The following EXOSC6 variants were observed in gnomAD, a reference collection of about 807,000 sequenced individuals.
EXOSC6 encodes exosome complex component MTR3.
Under a neutral mutation model 16.7 loss-of-function variants are expected in EXOSC6, and 21 were observed. The observed-to-expected ratio is 1.26, with a 90% confidence interval of 0.89 to 1.82. EXOSC6 has a LOEUF of 1.82. EXOSC6 is among the 40% of genes most tolerant of loss of function. The probability of loss-of-function intolerance (pLI) is 0.00; values close to 1 mark genes in which losing one functional copy is unlikely to be tolerated. For synonymous variants in EXOSC6, 297 were observed against 217.1 expected (o/e 1.37, Z -3.24); for missense variants, 538 against 415.7 (o/e 1.29, Z -2.56).
At position 70,251,211 on chromosome 16, in the gene EXOSC6, C is replaced by A. The variant is rs542140946; in HGVS notation, c.690G>T (p.Glu230Asp). Residue 230 changes from glutamate to aspartate, a missense_variant, in exon 1 of 1, where the codon GAG becomes GAT. Transcript: ENST00000435634. Reference sequence around the variant, plus strand: ...CCGCCCAGCTCTCTGTCAGGCCGCCCTCGCCGCTGCCCAGCAGCCCGGCCA... The same window carrying A: ...CCGCCCAGCTCTCTGTCAGGCCGCCATCGCCGCTGCCCAGCAGCCCGGCCA... ...NQVAGLLGSG[E>D]GGLTESWAEA... 21 of 1,509,958 alleles carry A rather than the reference C, an allele frequency of 1.4e-5. No homozygotes were observed. The highest frequency in any genetic ancestry group is 1.9e-4 in the Middle Eastern group (1 of 5,216). 93.5% of individuals were successfully genotyped at this position (1,509,958 alleles called of 1,614,324 possible).
rs1027034329 is a variant in EXOSC6, at chr16:70,251,927, C to G, written c.-27G>C. 2 of 1,465,954 alleles carry G rather than the reference C, an allele frequency of 1.4e-6. No homozygotes were observed. Among genetic ancestry groups the G allele is most frequent in the Non-Finnish European group, 1.8e-6 (2 of 1,119,132 alleles). 90.8% of individuals were successfully genotyped at this position (1,465,954 alleles called of 1,614,324 possible). The stretch of plus-strand genomic sequence containing the variant: ...GCGGTTCTTGGCGTGCGAACCCCTT[C>G]CGCCCAACGCCCTGCCGCATCCACT... On this transcript the variant is annotated 5_prime_UTR_variant, in exon 1 of 1. Transcript: ENST00000435634.
chr16:70,250,851 C>A lies in EXOSC6; in HGVS notation c.*231G>T, dbSNP rs111859704. 15 of 456,544 alleles carry A rather than the reference C, an allele frequency of 3.3e-5. No individual in the cohort carries two copies. Among genetic ancestry groups the A allele is most frequent in the African/African-American group, 1.8e-4 (9 of 49,054 alleles). 28.3% of individuals were successfully genotyped at this position (456,544 alleles called of 1,614,324 possible). On this transcript the variant is annotated 3_prime_UTR_variant, in exon 1 of 1. Coordinates refer to ENST00000435634, the MANE Select transcript of EXOSC6 (RefSeq NM_058219.3). ...AGGTCCAGGTAATTTCAGGGTCCAG[C>A]TCCACCACAAGCGCAGCTCCAGGGG...
rs1959761400 is a variant in EXOSC6, at chr16:70,249,608, C to G, written c.*1474G>C. ...TGAAGCACTCTTCTATCCGGCATTC[C>G]TAGTGGAGTTCCTATTTTCAAATTT... On this transcript the variant is annotated 3_prime_UTR_variant, in exon 1 of 1. Coordinates refer to ENST00000435634, the MANE Select transcript of EXOSC6 (RefSeq NM_058219.3). 1 of 152,116 alleles carries G rather than the reference C, an allele frequency of 6.6e-6. No homozygotes were observed. Among genetic ancestry groups the G allele is most frequent in the South Asian group, 2.1e-4 (1 of 4,824 alleles). 9.4% of individuals were successfully genotyped at this position (152,116 alleles called of 1,614,324 possible).
Position 70,248,585 on chromosome 16 carries a change from A to C in EXOSC6, c.*2497T>G, listed in dbSNP as rs1351966300. 1.3e-5 allele frequency: 2 copies of C among 151,970 alleles called. No homozygotes were observed. Among genetic ancestry groups the C allele is most frequent in the Admixed American group, 6.6e-5 (1 of 15,242 alleles). 9.4% of individuals were successfully genotyped at this position (151,970 alleles called of 1,614,324 possible). A position where few individuals can be genotyped will look rare whatever the true frequency, so the allele number is the denominator to read the frequency against. ...CCTCAAATTTTTCTCAAACCTCTAT[A>C]ATCAAGGGGAAAAATGTTTTGTTTT... On this transcript the variant is annotated 3_prime_UTR_variant, in exon 1 of 1. Coordinates refer to ENST00000435634, the MANE Select transcript of EXOSC6 (RefSeq NM_058219.3).
chr16:70,247,613 T>A lies in EXOSC6; in HGVS notation c.*3469A>T, dbSNP rs1386594632. ...GGCTCAGGTTACCATTATACATAAA[T>A]TTTTAAAATAAATATATGGCAAAAA... is the stretch of plus-strand genomic sequence containing the variant. On this transcript the variant is annotated 3_prime_UTR_variant, in exon 1 of 1. Transcript: ENST00000435634. 1 of 152,172 alleles carries A rather than the reference T, an allele frequency of 6.6e-6. No individual in the cohort carries two copies. Among genetic ancestry groups the A allele is most frequent in the African/African-American group, 2.4e-5 (1 of 41,446 alleles). The allele number at this position is 152,172 out of a possible 1,614,324, so 9.4% of individuals were successfully genotyped here.
In EXOSC6 at chr16:70,251,209, C is replaced by T; in HGVS notation, c.692G>A (p.Gly231Asp). Residue 231 changes from glycine (G) to aspartate (D), a missense_variant, in exon 1 of 1, where the codon GGC becomes GAC. By Grantham distance (94) the Gly-to-Asp change is moderately conservative. Transcript: ENST00000435634. ...CTCCGCCCAGCTCTCTGTCAGGCCG[C>T]CCTCGCCGCTGCCCAGCAGCCCGGC... ...QVAGLLGSGE[G>D]GLTESWAEAV... The T allele has an allele frequency of 6.6e-7, 1 of 1,510,350 alleles. No homozygotes were observed. Among genetic ancestry groups the T allele is most frequent in the East Asian group, 2.7e-5 (1 of 37,212 alleles). 93.6% of individuals were successfully genotyped at this position (1,510,350 alleles called of 1,614,324 possible). A position where few individuals can be genotyped will look rare whatever the true frequency, so the allele number is the denominator to read the frequency against.
chr16:70,250,780 G>C lies in EXOSC6; in HGVS notation c.*302C>G, dbSNP rs1361857875. Reference sequence around the variant, plus strand: ...AGGCCAAGGCAGGAGGATCAATCAAGGCTAGGAGTTTGAGACTGCAGAAAG... The same window carrying C: ...AGGCCAAGGCAGGAGGATCAATCAACGCTAGGAGTTTGAGACTGCAGAAAG... On this transcript the variant is annotated 3_prime_UTR_variant, in exon 1 of 1. Transcript: ENST00000435634. 3.0e-6 allele frequency: 1 copy of C among 338,550 alleles called. No individual in the cohort carries two copies. The highest frequency in any genetic ancestry group is 5.3e-6 in the Non-Finnish European group (1 of 188,624). The allele number at this position is 338,550 out of a possible 1,614,324, so 21.0% of individuals were successfully genotyped here. A position where few individuals can be genotyped will look rare whatever the true frequency, so the allele number is the denominator to read the frequency against.
Position 70,248,632 on chromosome 16 carries a change from G to T in EXOSC6, c.*2450C>A, listed in dbSNP as rs1959739445. 1 of 152,070 alleles carries T rather than the reference G, an allele frequency of 6.6e-6. No individual in the cohort carries two copies. The allele number at this position is 152,070 out of a possible 1,614,324, so 9.4% of individuals were successfully genotyped here. A position where few individuals can be genotyped will look rare whatever the true frequency, so the allele number is the denominator to read the frequency against. On this transcript the variant is annotated 3_prime_UTR_variant, in exon 1 of 1. Transcript: ENST00000435634. ...TTTTGCTTTGCTTTTTTGAGATAGGGTTGCCTATAATGGAGTGCAGTAGCT... is the reference window on the plus strand; with the variant it reads ...TTTTGCTTTGCTTTTTTGAGATAGGTTTGCCTATAATGGAGTGCAGTAGCT...
In EXOSC6 at chr16:70,251,263, A is replaced by G; in HGVS notation, c.638T>C (p.Val213Ala). Residue 213 changes from valine to alanine, a missense_variant, in exon 1 of 1, where the codon GTG (valine) becomes GCG (alanine). Physicochemically the swap from Val to Ala is moderately conservative, Grantham distance 64. Transcript: ENST00000435634. ...CTGATTCAGCACAGGCATGAGCGCC[A>G]CGGTGAGGCCGGCGGCGGCGCGCTC... ...EEERAAAGLT[V>A]ALMPVLNQVA... 6.8e-7 allele frequency: 1 copy of G among 1,463,120 alleles called. No individual in the cohort carries two copies. The highest frequency in any genetic ancestry group is 9.0e-7 in the Non-Finnish European group (1 of 1,112,942). 90.6% of individuals were successfully genotyped at this position (1,463,120 alleles called of 1,614,324 possible).
At position 70,246,794 on chromosome 16, in the gene EXOSC6, AAT is replaced by A. The variant is rs1218247197; in HGVS notation, c.*4286_*4287del. On this transcript the variant is annotated 3_prime_UTR_variant, in exon 1 of 1. Coordinates refer to ENST00000435634, the MANE Select transcript of EXOSC6 (RefSeq NM_058219.3). ...AGAACTACATTTCTGACAACAATGA[AAT>A]AGTTTATTTTCTTCAAATATTTTAA... is the stretch of plus-strand genomic sequence containing the variant. 1.7e-6 allele frequency: 1 copy of A among 588,900 alleles called. No homozygotes were observed. Among genetic ancestry groups the A allele is most frequent in the Non-Finnish European group, 3.0e-6 (1 of 336,742 alleles). 36.5% of individuals were successfully genotyped at this position (588,900 alleles called of 1,614,324 possible). A position where few individuals can be genotyped will look rare whatever the true frequency, so the allele number is the denominator to read the frequency against.
rs878857018 is a variant in EXOSC6 at position 70,250,770 on chromosome 16, G to A, written c.*312C>T. ...GCACTTTGGGAGGCCAAGGCAGGAG[G>A]ATCAATCAAGGCTAGGAGTTTGAGA... is the stretch of plus-strand genomic sequence containing the variant. On this transcript the variant is annotated 3_prime_UTR_variant, in exon 1 of 1. Transcript: ENST00000435634. 1.6e-5 allele frequency: 5 copies of A among 319,350 alleles called. No individual in the cohort carries two copies. The South Asian group carries it at 5.7e-4, about 37-fold the overall frequency. The allele number at this position is 319,350 out of a possible 1,614,324, so 19.8% of individuals were successfully genotyped here. A position where few individuals can be genotyped will look rare whatever the true frequency, so the allele number is the denominator to read the frequency against.
rs1959832416 is a variant in EXOSC6, at chr16:70,251,830, T to G, written c.71A>C (p.Glu24Ala). The G allele has an allele frequency of 6.5e-7, 1 of 1,540,992 alleles. No individual in the cohort carries two copies. Reference sequence around the variant, plus strand: ...GTCGCGGGTGCCGGGCGCCTCCTCCTCGTCGGCCGCGTACAGCTGCGGCGG... The same window carrying G: ...GTCGCGGGTGCCGGGCGCCTCCTCCGCGTCGGCCGCGTACAGCTGCGGCGG... ...SQPPQLYAAD[E>A]EEAPGTRDPT... Residue 24 changes from glutamate (E) to alanine (A), a missense_variant, in exon 1 of 1, where the codon GAG becomes GCG. Glu to Ala is a moderately radical substitution (Grantham distance 107). Transcript: ENST00000435634.
Position 70,251,043 on chromosome 16 carries a change from G to T in EXOSC6, c.*39C>A. ...GTCTTTTCGTGGACGGCGGCAGCAC[G>T]GTCCTCGGCTTGCGTCCGTAGTTGC... On this transcript the variant is annotated 3_prime_UTR_variant, in exon 1 of 1. Transcript: ENST00000435634. 1.4e-6 allele frequency: 2 copies of T among 1,430,914 alleles called. No individual in the cohort carries two copies. The highest frequency in any genetic ancestry group is 9.1e-7 in the Non-Finnish European group (1 of 1,099,462). The allele number at this position is 1,430,914 out of a possible 1,614,324, so 88.6% of individuals were successfully genotyped here. A position where few individuals can be genotyped will look rare whatever the true frequency, so the allele number is the denominator to read the frequency against.
In EXOSC6 at chr16:70,247,700, T is replaced by C. The variant is rs1959721326; in HGVS notation, c.*3382A>G. ...GCAGCTGTTAAAAGACATTTTTCCCTAAAAAAAGAAAAGCTGTGCTTTACA... is the reference window on the plus strand; with the variant it reads ...GCAGCTGTTAAAAGACATTTTTCCCCAAAAAAAGAAAAGCTGTGCTTTACA... On this transcript the variant is annotated 3_prime_UTR_variant, in exon 1 of 1. Transcript: ENST00000435634. The C allele has an allele frequency of 6.6e-6, 1 of 152,048 alleles. No homozygotes were observed. The highest frequency in any genetic ancestry group is 1.5e-5 in the Non-Finnish European group (1 of 67,998). The allele number at this position is 152,048 out of a possible 1,614,324, so 9.4% of individuals were successfully genotyped here.
chr16:70,249,560 GTTC>G lies in EXOSC6; in HGVS notation c.*1519_*1521del, dbSNP rs1959760846. 6.6e-6 allele frequency: 1 copy of G among 152,180 alleles called. No homozygotes were observed. The highest frequency in any genetic ancestry group is 2.1e-4 in the South Asian group (1 of 4,834). 9.4% of individuals were successfully genotyped at this position (152,180 alleles called of 1,614,324 possible). A position where few individuals can be genotyped will look rare whatever the true frequency, so the allele number is the denominator to read the frequency against. ...GCTCAGAAAGACGTCGTGATATTTA[GTTC>G]TTGTCTCCCTCTACAAATGTGAAGC... is the stretch of plus-strand genomic sequence containing the variant. On this transcript the variant is annotated 3_prime_UTR_variant, in exon 1 of 1. Transcript: ENST00000435634.
Position 70,250,070 on chromosome 16 carries a change from G to A in EXOSC6, c.*1012C>T, listed in dbSNP as rs1489399117. 1 of 152,026 alleles carries A rather than the reference G, an allele frequency of 6.6e-6. No individual in the cohort carries two copies. The highest frequency in any genetic ancestry group is 1.5e-5 in the Non-Finnish European group (1 of 68,018). The allele number at this position is 152,026 out of a possible 1,614,324, so 9.4% of individuals were successfully genotyped here. A position where few individuals can be genotyped will look rare whatever the true frequency, so the allele number is the denominator to read the frequency against. On this transcript the variant is annotated 3_prime_UTR_variant, in exon 1 of 1. Coordinates refer to ENST00000435634, the MANE Select transcript of EXOSC6 (RefSeq NM_058219.3). ...AATACAACTTGCTGGAAGTTCTTAGGAAACAAAATGACTATTCACAGAACC... is the reference window on the plus strand; with the variant it reads ...AATACAACTTGCTGGAAGTTCTTAGAAAACAAAATGACTATTCACAGAACC...
rs1959710430 is a variant in EXOSC6 at position 70,247,103 on chromosome 16, T to C, written c.*3979A>G. ...TCTGTAGTTTTAGTTAAAAAAAAAA[T>C]TGACTTGTAAATCCCAACTACTCGG... On this transcript the variant is annotated 3_prime_UTR_variant, in exon 1 of 1. Coordinates refer to ENST00000435634, the MANE Select transcript of EXOSC6 (RefSeq NM_058219.3). 3.1e-6 allele frequency: 1 copy of C among 323,150 alleles called. No homozygotes were observed. The highest frequency in any genetic ancestry group is 5.9e-6 in the Non-Finnish European group (1 of 169,842). 20.0% of individuals were successfully genotyped at this position (323,150 alleles called of 1,614,324 possible).
At position 70,251,867 on chromosome 16, in the gene EXOSC6, C is replaced by A; in HGVS notation, c.34G>T (p.Glu12Ter). ...TACAGCTGCGGCGGCTGCGATTCTT[C>A]AGGGCCGCGGATGCGGCGGTGATCC... Reference protein sequence around the residue: ...PGDHRRIRGPEESQPPQLYAA... With the variant: ...PGDHRRIRGP The change falls in exon 1 of 1, where the codon GAA becomes TAA. Residue 12 changes from glutamate to a stop codon, truncating the protein, a stop_gained. Coordinates refer to ENST00000435634, the MANE Select transcript of EXOSC6 (RefSeq NM_058219.3). LOFTEE classifies it high-confidence loss of function. The A allele has an allele frequency of 1.3e-6, 2 of 1,552,028 alleles. No individual in the cohort carries two copies. Among genetic ancestry groups the A allele is most frequent in the East Asian group, 2.6e-5 (1 of 38,862 alleles).
rs1348705120 is a variant in EXOSC6, at chr16:70,246,972, CG to C, written c.*4109del. 1 of 524,352 alleles carries C rather than the reference CG, an allele frequency of 1.9e-6. No homozygotes were observed. The highest frequency in any genetic ancestry group is 3.7e-6 in the Non-Finnish European group (1 of 271,222). 32.5% of individuals were successfully genotyped at this position (524,352 alleles called of 1,614,324 possible). A position where few individuals can be genotyped will look rare whatever the true frequency, so the allele number is the denominator to read the frequency against. On this transcript the variant is annotated 3_prime_UTR_variant, in exon 1 of 1. Transcript: ENST00000435634. ...CCCCCTCACCCCATGATCTGAAAAGCGAAATGAGGAATTCACCCTAAAATTA... is the reference window on the plus strand; with the variant it reads ...CCCCCTCACCCCATGATCTGAAAAGCAAATGAGGAATTCACCCTAAAATTA...
Sources: allele counts gnomAD v4.1 joint callset, GRCh38; gene constraint gnomAD v4.1.1; transcripts MANE v1.5; gene names NCBI Gene and HGNC (gene_info 2026-07-23, HGNC 2026-07-21).